Variants in CCDC175 observed in about 807,000 individuals in gnomAD.
The protein encoded by CCDC175 is coiled-coil domain-containing protein 175.
Under a neutral mutation model 114.6 loss-of-function variants are expected in CCDC175, and 100 were observed. The ratio of observed to expected loss-of-function variants is 0.87; its 90% confidence interval spans 0.74 to 1.03. The LOEUF (loss-of-function observed/expected upper bound fraction) is 1.03, where lower values mean the gene tolerates loss of function less well. CCDC175 is among the 50% of genes least tolerant of loss of function. The pLI, the probability that CCDC175 is intolerant of heterozygous loss-of-function variation, is 0.00. For missense variants in CCDC175, 880 were observed against 917.8 expected, an observed-to-expected ratio of 0.96 and a Z score of 0.53; for synonymous variants, 306 against 308.7, an observed-to-expected ratio of 0.99 and a Z score of 0.09.
intron 9 of CCDC175, among the ~76,000 whole-genome samples, chr14:59,543,667 G>A (rs1444748116): frequency 1.3e-5 from 2 of 152,118 alleles, no homozygotes; most frequent in East Asian, 1.9e-4. Context: ...GCTGATTTTT[G>A]TACTTTTGTA....
chr14:59,509,091 A>G (rs1461036571), intron 19 of CCDC175, among the ~76,000 whole-genome samples: 2 of 152,344 alleles, frequency 1.3e-5, no homozygotes, highest in East Asian at 3.9e-4. Flanking sequence ...GAAATATGAT[A>G]TTAGTAATTC....
intron 7 of CCDC175, among the ~76,000 whole-genome samples, chr14:59,557,397 A>G (rs1215633749): frequency 6.8e-6 from 1 of 146,476 alleles, no homozygotes; most frequent in Non-Finnish European, 1.5e-5. Flanking sequence ...GTTCTCACTC[A>G]TAGGTGGGAA....
At chr14:59,509,960 C>T (rs1892653215) in intron 19 of CCDC175, among the ~76,000 whole-genome samples, 1 of 152,206 alleles carries the variant, frequency 6.6e-6, no homozygotes, top group Non-Finnish European at 1.5e-5. Context: ...CTCCATCTCT[C>T]TTCTAAACTC....
chr14:59,556,368 C>T (rs1458574592), intron 7 of CCDC175, among the ~76,000 whole-genome samples: 3 of 152,130 alleles, frequency 2.0e-5, no homozygotes, highest in African/African-American at 4.8e-5. Flanking sequence ...GGAAAGGATT[C>T]CCTATTTAAT....
chr14:59,555,542 G>T (rs8004940), intron 7 of CCDC175, among the ~76,000 whole-genome samples: 149,078 of 152,312 alleles, frequency 0.98, 73,039 homozygotes, highest in South Asian at 1. Flanking sequence ...GCATTCCCTT[G>T]GAAAACTGGC....
At chr14:59,525,582 T>C (rs943255404) in intron 15 of CCDC175, 148 bp from the exon 16 acceptor site, 10 of 524,158 alleles carry the variant, frequency 1.9e-5, no homozygotes, top group East Asian at 1.5e-4. Context: ...TAGAAAAACC[T>C]ATCAACCCCA....
At chr14:59,532,470 TG>T (rs1485484137) in intron 13 of CCDC175, among the ~76,000 whole-genome samples, 1 of 152,238 alleles carries the variant, frequency 6.6e-6, no homozygotes, top group Non-Finnish European at 1.5e-5. Context: ...TTTTAAATGG[TG>T]ACTAAGGCAG....
chr14:59,540,633 C>T (rs1234391711), intron 11 of CCDC175, 42 bp downstream of exon 11: 1 of 1,461,520 alleles, frequency 6.8e-7, no homozygotes. Context: ...GCTGATAACA[C>T]AAAACACAAA....
intron 13 of CCDC175, among the ~76,000 whole-genome samples, chr14:59,533,347 A>T (rs907101522): frequency 1.3e-5 from 2 of 152,222 alleles, no homozygotes; most frequent in African/African-American, 4.8e-5. Flanking sequence ...GTTGCTTCAT[A>T]ATATAGCTGA....
chr14:59,569,815 T>A (rs1896748708), intron 3 of CCDC175, among the ~76,000 whole-genome samples: 1 of 152,062 alleles, frequency 6.6e-6, no homozygotes, highest in Non-Finnish European at 1.5e-5. Flanking sequence ...AACAGAGGAT[T>A]AGAGTAATTA....
chr14:59,569,614 C>T (rs1896736899), intron 3 of CCDC175, among the ~76,000 whole-genome samples: 1 of 152,266 alleles, frequency 6.6e-6, no homozygotes, highest in Admixed American at 6.5e-5. Context: ...AAGAAAAACA[C>T]TCTTAATTCT....
At chr14:59,510,511 CAATTG>C in intron 19 of CCDC175, 130 bp downstream of exon 19, 1 of 850,250 alleles carries the variant, frequency 1.2e-6, no homozygotes, top group Non-Finnish European at 1.9e-6. Flanking sequence ...TATCAATGTT[CAATTG>C]AATGTTTGTG....
chr14:59,523,623 A>G (rs960152353), intron 16 of CCDC175, among the ~76,000 whole-genome samples: 3 of 152,228 alleles, frequency 2.0e-5, no homozygotes, highest in Non-Finnish European at 4.4e-5. Context: ...GATCTTGACC[A>G]TGAGGTCATT....
chr14:59,515,743 C>T (rs1480318413), intron 17 of CCDC175, among the ~76,000 whole-genome samples: 1 of 152,158 alleles, frequency 6.6e-6, no homozygotes, highest in Non-Finnish European at 1.5e-5. Flanking sequence ...CCACTGTCAA[C>T]ATTAGACAGA....
intron 13 of CCDC175, among the ~76,000 whole-genome samples, chr14:59,533,987 T>TAAAAAAAAAAAAAAAA (rs3084296): frequency 2.2e-5 from 3 of 133,602 alleles, no homozygotes; most frequent in Admixed American, 7.7e-5. Flanking sequence ...AGACCCCTTT[T>TAAAAAAAAAAAAAAAA]AAAAAAAAAA....
intron 11 of CCDC175, among the ~76,000 whole-genome samples, 173 bp from the exon 12 acceptor site, chr14:59,539,013 C>T (rs1311743565): frequency 6.6e-6 from 1 of 152,220 alleles, no homozygotes; most frequent in Non-Finnish European, 1.5e-5. Context: ...TTAACTGCCT[C>T]AATTCTGTCT....
At chr14:59,525,017 G>A (rs891617113) in intron 16 of CCDC175, among the ~76,000 whole-genome samples, 5 of 152,294 alleles carry the variant, frequency 3.3e-5, no homozygotes, top group Admixed American at 3.3e-4. Context: ...TGTTAGCATG[G>A]TGGTACCCTT....
chr14:59,547,124 T>C (rs2140057492), intron 8 of CCDC175, among the ~76,000 whole-genome samples: 1 of 152,062 alleles, frequency 6.6e-6, no homozygotes, highest in African/African-American at 2.4e-5. Flanking sequence ...ACTTATGAAA[T>C]ATAGAAATTC....
intron 14 of CCDC175, among the ~76,000 whole-genome samples, chr14:59,529,086 A>G (rs1044604628): frequency 2.6e-5 from 4 of 152,172 alleles, no homozygotes; most frequent in Non-Finnish European, 4.4e-5. Flanking sequence ...ATATACAGTG[A>G]TCAGGAAGGA....
Sources: gnomAD v4.1 joint callset for allele counts (sites outside exome capture counted in the v4.1 genomes callset) on GRCh38, gnomAD v4.1.1 for gene constraint, MANE v1.5 for transcripts, NCBI Gene and HGNC (gene_info 2026-07-23, HGNC 2026-07-21) for gene names.